The following ERC2 variants were observed in gnomAD, a reference collection of about 807,000 sequenced individuals.
ERC2 encodes ERC protein 2.
In ERC2, 42 loss-of-function variants were observed where a neutral mutation model predicts 114.8. The observed-to-expected ratio is 0.37, with a 90% CI of 0.29 to 0.47. ERC2 has a LOEUF of 0.47. Ranked by LOEUF, ERC2 falls within the 20% of genes least tolerant of loss-of-function variation. The probability of loss-of-function intolerance (pLI) is 0.99; values close to 1 mark genes in which losing one functional copy is unlikely to be tolerated. For synonymous variants in ERC2, 454 were observed against 425.5 expected (o/e 1.07, Z -0.82); for missense variants, 939 against 1,150.7 (o/e 0.82, Z 2.66).
chr3:55,685,148 A>G (rs2062260405), intron 16 of ERC2, among the ~76,000 whole-genome samples: 1 of 152,142 alleles, frequency 6.6e-6, no homozygotes, highest in Admixed American at 6.6e-5. Flanking sequence ...ATTTCTATGT[A>G]TTTTATTTTA....
chr3:56,427,193 A>G (rs2061605636), intron 2 of ERC2, among the ~76,000 whole-genome samples: 1 of 150,858 alleles, frequency 6.6e-6, no homozygotes, highest in Non-Finnish European at 1.5e-5. Context: ...TTCACAGTGG[A>G]GTAAGATTAG....
intron 1 of ERC2, among the ~76,000 whole-genome samples, chr3:56,455,157 T>G (rs2063008901): frequency 6.6e-6 from 1 of 152,044 alleles, no homozygotes; most frequent in East Asian, 1.9e-4. Context: ...ATATACTTAG[T>G]ACACCAAACT....
chr3:55,884,966 A>G (rs1194333373), intron 14 of ERC2, among the ~76,000 whole-genome samples: 1 of 152,158 alleles, frequency 6.6e-6, no homozygotes, highest in East Asian at 1.9e-4. Context: ...CATTTTACTG[A>G]AGAGAAAACT....
chr3:55,668,763 T>C (rs1458269059), intron 17 of ERC2, among the ~76,000 whole-genome samples: 1 of 152,214 alleles, frequency 6.6e-6, no homozygotes. Context: ...AAAGTTACCC[T>C]GTGCTAACCT....
At chr3:55,576,680 C>A (rs2056998083) in intron 17 of ERC2, among the ~76,000 whole-genome samples, 1 of 152,270 alleles carries the variant, frequency 6.6e-6, no homozygotes, top group Admixed American at 6.5e-5. Flanking sequence ...GAAACCCCCA[C>A]CTTGCATCCT....
At chr3:56,003,358 T>G (rs1010564129) in intron 10 of ERC2, among the ~76,000 whole-genome samples, 1 of 152,090 alleles carries the variant, frequency 6.6e-6, no homozygotes, top group Non-Finnish European at 1.5e-5. Context: ...GAATAAGAAA[T>G]GTAAGGTTTG....
Position 55,637,537 on chromosome 3 carries a change from C to T in ERC2, c.*39+46257G>A, listed in dbSNP as rs114017144. ...ATCCAGGCTGGGCTGACCGGGGTCT[C>T]CTCAACTCTAAAACCCAAGTTACTG... is the stretch of plus-strand genomic sequence containing the variant. On this transcript the variant is annotated intron_variant, in intron 17 of 17. Coordinates refer to ENST00000288221, the MANE Select transcript of ERC2 (RefSeq NM_015576.3). Among the ~76,000 whole-genome samples the T allele has an allele frequency of 8.6e-3, 1,310 of 152,250 alleles. 9 individuals are homozygous for T. Among genetic ancestry groups the T allele is most frequent in the Non-Finnish European group, 0.013 (896 of 68,014 alleles).
chr3:55,887,416 T>C (rs2063399263), intron 14 of ERC2, among the ~76,000 whole-genome samples: 1 of 152,174 alleles, frequency 6.6e-6, no homozygotes, highest in Non-Finnish European at 1.5e-5. Context: ...TAAGGCTTGC[T>C]GGGTCACGAT....
intron 2 of ERC2, among the ~76,000 whole-genome samples, chr3:56,314,124 A>G (rs1458314171): frequency 6.6e-6 from 1 of 152,198 alleles, no homozygotes; most frequent in East Asian, 1.9e-4. Flanking sequence ...TGACTATGAC[A>G]TCAGACAGTC....
At chr3:55,637,888 C>T (rs2060022417) in intron 17 of ERC2, among the ~76,000 whole-genome samples, 1 of 151,980 alleles carries the variant, frequency 6.6e-6, no homozygotes, top group Admixed American at 6.6e-5. Flanking sequence ...ACCCCTCTGA[C>T]TCAAGTTAGC....
intron 17 of ERC2, among the ~76,000 whole-genome samples, chr3:55,652,200 G>A (rs2060654040): frequency 6.6e-6 from 1 of 152,152 alleles, no homozygotes; most frequent in African/African-American, 2.4e-5. Context: ...CGTTGTAAAG[G>A]GCAGTGCACT....
At chr3:55,880,576 C>T (rs1478661390) in intron 14 of ERC2, among the ~76,000 whole-genome samples, 3 of 152,076 alleles carry the variant, frequency 2.0e-5, no homozygotes, top group Non-Finnish European at 4.4e-5. Context: ...GCTACCTGTC[C>T]TGACTCACTA....
intron 3 of ERC2, among the ~76,000 whole-genome samples, chr3:56,214,719 A>G (rs2049331263): frequency 6.6e-6 from 1 of 152,162 alleles, no homozygotes; most frequent in East Asian, 1.9e-4. Context: ...AAATGAAGGA[A>G]AAAATGTTAA....
intron 3 of ERC2, among the ~76,000 whole-genome samples, chr3:56,185,976 A>G (rs1286734730): frequency 6.6e-6 from 1 of 152,148 alleles, no homozygotes; most frequent in Admixed American, 6.5e-5. Flanking sequence ...TGCAAGGACC[A>G]CAGGAAGCCT....
chr3:55,895,297 G>A (rs1255753419), intron 13 of ERC2, among the ~76,000 whole-genome samples: 1 of 152,172 alleles, frequency 6.6e-6, no homozygotes, highest in African/African-American at 2.4e-5. Context: ...CGGGAGCCAG[G>A]CATCTGTATT....
chr3:56,358,804 A>G (rs2058839647), intron 2 of ERC2, among the ~76,000 whole-genome samples: 1 of 152,208 alleles, frequency 6.6e-6, no homozygotes, highest in African/African-American at 2.4e-5. Flanking sequence ...GGATGAAGTG[A>G]GATAATCCAT....
intron 1 of ERC2, among the ~76,000 whole-genome samples, chr3:56,438,078 T>TG (rs1444027834): frequency 6.6e-6 from 1 of 152,256 alleles, no homozygotes; most frequent in Non-Finnish European, 1.5e-5. Flanking sequence ...CCCATAGAGC[T>TG]GATGTCAGTG....
At chr3:56,213,150 G>T (rs1050991925) in intron 3 of ERC2, among the ~76,000 whole-genome samples, 2 of 152,164 alleles carry the variant, frequency 1.3e-5, no homozygotes, top group Non-Finnish European at 2.9e-5. Flanking sequence ...TCTCACTGGG[G>T]ATCTTCGGAA....
At chr3:55,856,931 A>T (rs2061812846) in intron 14 of ERC2, among the ~76,000 whole-genome samples, 1 of 152,220 alleles carries the variant, frequency 6.6e-6, no homozygotes, top group South Asian at 2.1e-4. Flanking sequence ...CACATATTGT[A>T]TGATTCCATT....
Sources: allele counts gnomAD v4.1 joint callset (sites outside exome capture counted in the v4.1 genomes callset), GRCh38; gene constraint gnomAD v4.1.1; transcripts MANE v1.5; gene names NCBI Gene and HGNC (gene_info 2026-07-23, HGNC 2026-07-21).